Variants in CLSTN2 observed in about 807,000 individuals in gnomAD.
The protein encoded by CLSTN2 is calsyntenin 2.
In CLSTN2, 48 loss-of-function variants were observed where a neutral mutation model predicts 101.2. That is an observed-to-expected ratio of 0.47 (90% CI 0.38 to 0.60). The LOEUF (loss-of-function observed/expected upper bound fraction) is 0.60, where lower values mean the gene tolerates loss of function less well. Ranked by LOEUF, CLSTN2 falls within the 20% of genes least tolerant of loss-of-function variation. The pLI, the probability that CLSTN2 is intolerant of heterozygous loss-of-function variation, is 0.00. For missense variants in CLSTN2, 1,160 were observed against 1,238.2 expected, an observed-to-expected ratio of 0.94 and a Z score of 0.95; for synonymous variants, 481 against 463.6, an observed-to-expected ratio of 1.04 and a Z score of -0.48.
In CLSTN2 at chr3:140,454,113, T is replaced by A. The variant is rs1479965881; in HGVS notation, c.974-5408T>A. On this transcript the variant is annotated intron_variant, in intron 6 of 16. Coordinates refer to ENST00000458420, the MANE Select transcript of CLSTN2 (RefSeq NM_022131.3). ...GTTGGAAGTCTGATTAGATCCCCAATCATACAACAGTGAAGGGCTGCACAC... is the reference window on the plus strand; with the variant it reads ...GTTGGAAGTCTGATTAGATCCCCAAACATACAACAGTGAAGGGCTGCACAC... 2.6e-5 allele frequency among the ~76,000 whole-genome samples: 4 copies of A among 152,202 alleles called. No individual in the cohort carries two copies. In the East Asian group the frequency reaches 7.7e-4, roughly 29 times the overall value.
intron 4 of CLSTN2, among the ~76,000 whole-genome samples, chr3:140,413,084 T>C (rs905439513): frequency 6.6e-6 from 1 of 151,912 alleles, no homozygotes; most frequent in Non-Finnish European, 1.5e-5. Context: ...GAAGACCGTA[T>C]AAAAGATCAA....
At chr3:139,958,606 A>T (rs1935450350) in intron 1 of CLSTN2, among the ~76,000 whole-genome samples, 1 of 151,846 alleles carries the variant, frequency 6.6e-6, no homozygotes, top group Non-Finnish European at 1.5e-5. Flanking sequence ...AGGGAGATCA[A>T]CTGGGAACCT....
chr3:140,543,870 G>C (rs1160061753), intron 9 of CLSTN2, among the ~76,000 whole-genome samples: 2 of 152,194 alleles, frequency 1.3e-5, no homozygotes, highest in Admixed American at 1.3e-4. Context: ...GTAGCTTATT[G>C]AATGCCAGGT....
Position 140,135,782 on chromosome 3 carries a change from G to T in CLSTN2, c.110-40169G>T, listed in dbSNP as rs77432400. 2.5e-3 allele frequency among the ~76,000 whole-genome samples: 377 copies of T among 152,260 alleles called. 2 individuals carry two copies. The highest frequency in any genetic ancestry group is 0.01 in the Middle Eastern group (3 of 294). ...TATAATTTTTTTGCAGGGTACCTTT[G>T]TTATGAGAGTCTTTTCCTGTCCAGA... is the stretch of plus-strand genomic sequence containing the variant. On this transcript the variant is annotated intron_variant, in intron 1 of 16. Coordinates refer to ENST00000458420, the MANE Select transcript of CLSTN2 (RefSeq NM_022131.3).
intron 1 of CLSTN2, among the ~76,000 whole-genome samples, chr3:139,944,780 C>A (rs1576371985): frequency 6.6e-6 from 1 of 152,234 alleles, no homozygotes; most frequent in African/African-American, 2.4e-5. Context: ...TTCCTTTGGT[C>A]ATGGGGAGGA....
Position 140,420,898 on chromosome 3 carries a change from AT to A in CLSTN2, c.638-225del, listed in dbSNP as rs578204889. Among the ~76,000 whole-genome samples, 6 of 94,216 alleles carry A rather than the reference AT, an allele frequency of 6.4e-5. No individual in the cohort carries two copies. In the South Asian group the frequency reaches 1.5e-3, roughly 24 times the overall value. 61.8% of individuals were successfully genotyped at this position (94,216 alleles called of 152,430 possible). A position where few individuals can be genotyped will look rare whatever the true frequency, so the allele number is the denominator to read the frequency against. Reference sequence around the variant, plus strand: ...GTGCTCGAAATTCCCTGGCAGTCCTATTGCGCAGCTAGGTGGCTTCAGCCAG... The same window carrying A: ...GTGCTCGAAATTCCCTGGCAGTCCTATGCGCAGCTAGGTGGCTTCAGCCAG... On this transcript the variant is annotated intron_variant, in intron 4 of 16. Coordinates refer to ENST00000458420, the MANE Select transcript of CLSTN2 (RefSeq NM_022131.3).
At chr3:140,484,574 C>T (rs1934198161) in intron 8 of CLSTN2, among the ~76,000 whole-genome samples, 1 of 152,168 alleles carries the variant, frequency 6.6e-6, no homozygotes. Flanking sequence ...AACTTAGTTC[C>T]ATTCTCCCCA....
chr3:140,144,189 AG>A (rs1449019493), intron 1 of CLSTN2, among the ~76,000 whole-genome samples: 8 of 152,266 alleles, frequency 5.3e-5, no homozygotes, highest in Non-Finnish European at 8.8e-5. Flanking sequence ...TTCTGATGAC[AG>A]GTAAAAATTC....
rs188789298 is a variant in CLSTN2 at position 140,570,463 on chromosome 3, A to C, written c.*4210A>C. 7.9e-5 allele frequency: 12 copies of C among 152,322 alleles called. No homozygotes were observed. The highest frequency in any genetic ancestry group is 2.9e-4 in the African/African-American group (12 of 41,582). The allele number at this position is 152,322 out of a possible 1,614,324, so 9.4% of individuals were successfully genotyped here. On this transcript the variant is annotated 3_prime_UTR_variant, in exon 17 of 17. Coordinates refer to ENST00000458420, the MANE Select transcript of CLSTN2 (RefSeq NM_022131.3). ...GCTATATGCAAATACTATGCATTTT[A>C]TATAAAGGAATTGAACATCTGTGGA... is the stretch of plus-strand genomic sequence containing the variant.
intron 2 of CLSTN2, among the ~76,000 whole-genome samples, chr3:140,240,348 A>G (rs998329468): frequency 7.3e-6 from 1 of 136,066 alleles, no homozygotes; most frequent in Admixed American, 8.1e-5. Context: ...ATAAAATACT[A>G]CCATATAGTA....
Position 140,559,765 on chromosome 3 carries a change from C to A in CLSTN2, c.2041+908C>A, listed in dbSNP as rs555370658. ...TGTGCTGGTGCCTCTGGTCCTAAGTCCCTGAGGAGCTGCTGTTATAATAAT... is the reference window on the plus strand; with the variant it reads ...TGTGCTGGTGCCTCTGGTCCTAAGTACCTGAGGAGCTGCTGTTATAATAAT... On this transcript the variant is annotated intron_variant, in intron 12 of 16. Coordinates refer to ENST00000458420, the MANE Select transcript of CLSTN2 (RefSeq NM_022131.3). 5.9e-5 allele frequency among the ~76,000 whole-genome samples: 9 copies of A among 152,256 alleles called. No homozygotes were observed. In the South Asian group the frequency reaches 1.9e-3, roughly 32 times the overall value.
chr3:140,397,156 C>T (rs1018001473), intron 2 of CLSTN2, among the ~76,000 whole-genome samples: 1 of 151,866 alleles, frequency 6.6e-6, no homozygotes, highest in Non-Finnish European at 1.5e-5. Flanking sequence ...AGAAGAGTGC[C>T]ATTGTTTACA....
intron 1 of CLSTN2, among the ~76,000 whole-genome samples, chr3:140,054,804 A>C (rs1041615001): frequency 1.3e-5 from 2 of 152,202 alleles, no homozygotes; most frequent in Admixed American, 6.5e-5. Flanking sequence ...TGGGGTAGGA[A>C]AAAGGAGAAG....
intron 2 of CLSTN2, among the ~76,000 whole-genome samples, chr3:140,366,693 G>A (rs932631436): frequency 6.6e-6 from 1 of 152,132 alleles, no homozygotes; most frequent in Non-Finnish European, 1.5e-5. Flanking sequence ...CCAAGCAAGT[G>A]CCCACAAAAC....
chr3:140,113,708 T>G (rs2009192981), intron 1 of CLSTN2, among the ~76,000 whole-genome samples: 1 of 152,200 alleles, frequency 6.6e-6, no homozygotes. Flanking sequence ...GCATAATCAT[T>G]CCTATTTCAC....
chr3:140,332,642 A>G (rs1371305420), intron 2 of CLSTN2, among the ~76,000 whole-genome samples: 2 of 152,042 alleles, frequency 1.3e-5, no homozygotes, highest in African/African-American at 4.8e-5. Flanking sequence ...AGAGCCTATG[A>G]ATAACTCTGT....
intron 5 of CLSTN2, among the ~76,000 whole-genome samples, chr3:140,436,350 G>T (rs181477114): frequency 2.6e-5 from 4 of 152,128 alleles, no homozygotes; most frequent in Non-Finnish European, 5.9e-5. Context: ...TGTCTTTTCC[G>T]CAGTGTATGT....
At chr3:140,374,048 A>C (rs1437373565) in intron 2 of CLSTN2, among the ~76,000 whole-genome samples, 1 of 152,102 alleles carries the variant, frequency 6.6e-6, no homozygotes, top group Non-Finnish European at 1.5e-5. Flanking sequence ...TTCCTGTCCC[A>C]TGTTGTTTGT....
intron 2 of CLSTN2, among the ~76,000 whole-genome samples, chr3:140,368,135 T>A (rs930266985): frequency 2.0e-5 from 3 of 152,170 alleles, no homozygotes; most frequent in African/African-American, 4.8e-5. Flanking sequence ...AGAGCAGGGA[T>A]GCCTAAGTTA....
Sources: gnomAD v4.1 joint callset for allele counts (sites outside exome capture counted in the v4.1 genomes callset) on GRCh38, gnomAD v4.1.1 for gene constraint, MANE v1.5 for transcripts, NCBI Gene and HGNC (gene_info 2026-07-23, HGNC 2026-07-21) for gene names.